Variants in TMEM232 observed in about 807,000 individuals in gnomAD.
The protein encoded by TMEM232 is transmembrane protein 232.
TMEM232 carries 80 observed loss-of-function variants against 78.8 expected under a neutral mutation model. That is an observed-to-expected ratio of 1.01 (90% CI 0.85 to 1.22). The LOEUF is 1.22. Among genes scored for constraint, TMEM232 ranks in the 50% most tolerant of loss-of-function variants. The pLI is 0.00. For synonymous variants in TMEM232, 297 were observed against 254.3 expected (o/e 1.17, Z -1.60); for missense variants, 881 against 742.2 (o/e 1.19, Z -2.17).
At chr5:110,648,995 T>C (rs4351199) in intron 2 of TMEM232, among the ~76,000 whole-genome samples, 94,396 of 151,924 alleles carry the variant, frequency 0.62, 33,069 homozygotes, top group Non-Finnish European at 0.79. Flanking sequence ...CTGTTCCCTG[T>C]GCTGTATCCT....
At chr5:110,418,481 A>T (rs1335985542), downstream of TMEM232, among the ~76,000 whole-genome samples, 1 of 152,122 alleles carries the variant, frequency 6.6e-6, no homozygotes, top group African/African-American at 2.4e-5. Context: ...AAGAATTTTA[A>T]AATAATTTAA....
chr5:110,703,086 T>C (rs1795589533), intron 1 of TMEM232, among the ~76,000 whole-genome samples: 1 of 151,970 alleles, frequency 6.6e-6, no homozygotes, highest in Non-Finnish European at 1.5e-5. Context: ...AGGAAATCAT[T>C]TTGCTGATGA....
intron 12 of TMEM232, among the ~76,000 whole-genome samples, chr5:110,467,840 T>TC (rs774997182): frequency 3.7e-4 from 57 of 152,310 alleles, no homozygotes; most frequent in Non-Finnish European, 6.6e-4. Flanking sequence ...GAGAAACACA[T>TC]CCCAAGGTTC....
At chr5:110,719,684 A>G (rs555740770) in intron 1 of TMEM232, among the ~76,000 whole-genome samples, 1 of 152,102 alleles carries the variant, frequency 6.6e-6, no homozygotes, top group South Asian at 2.1e-4. Flanking sequence ...AGTAAATTAT[A>G]TTTGTTCCAC....
intron 10 of TMEM232, 23 bp from the exon 11 acceptor site, chr5:110,568,648 T>C (rs1776600840): frequency 3.3e-6 from 5 of 1,517,750 alleles, no homozygotes; most frequent in Non-Finnish European, 4.4e-6. Flanking sequence ...AAAAAGTCTT[T>C]GGGAATTATC....
rs140980555 is a variant in TMEM232, at chr5:110,636,717, T to C, written c.501+1481A>G. 3.6e-3 allele frequency among the ~76,000 whole-genome samples: 551 copies of C among 152,160 alleles called. 3 individuals are homozygous for C. The highest frequency in any genetic ancestry group is 6.3e-3 in the Non-Finnish European group (428 of 67,886). On this transcript the variant is annotated intron_variant, in intron 5 of 13. Coordinates refer to ENST00000455884, the MANE Select transcript of TMEM232 (RefSeq NM_001039763.4). The stretch of plus-strand genomic sequence containing the variant: ...AAACTCTCTATGCCACAGTGAGATG[T>C]AGAATATGTGAAATCATGAATAATC...
At chr5:110,731,612 C>T (rs1798686769), upstream of TMEM232, among the ~76,000 whole-genome samples, 1 of 150,552 alleles carries the variant, frequency 6.6e-6, no homozygotes, top group South Asian at 2.1e-4. Context: ...TCTGAAGCCA[C>T]AGCCCAAGCT....
intron 5 of TMEM232, 43 bp from the exon 6 acceptor site, chr5:110,627,923 A>C (rs1340437419): frequency 7.8e-7 from 1 of 1,281,506 alleles, no homozygotes; most frequent in Non-Finnish European, 1.1e-6. Flanking sequence ...TGTTGCATCA[A>C]TAAATGTTTA....
rs74862809 is a variant in TMEM232, at chr5:110,409,308, A to G, written n.309-11454T>C. On this transcript the variant is annotated intron_variant and non_coding_transcript_variant, in intron 2 of 8. Transcript: ENST00000507188. ...ACATTTTAAATAGCAATTCAACACA[A>G]CTTATATGGAGCCAACAATGCACAC... Among the ~76,000 whole-genome samples the G allele has an allele frequency of 9.4e-3, 1,430 of 152,294 alleles. 21 individuals are homozygous for G. The highest frequency in any genetic ancestry group is 0.033 in the African/African-American group (1,357 of 41,556).
At chr5:110,714,116 T>C (rs191833863) in intron 1 of TMEM232, among the ~76,000 whole-genome samples, 50 of 152,316 alleles carry the variant, frequency 3.3e-4, no homozygotes, top group Non-Finnish European at 6.0e-4. Flanking sequence ...GGTCTCCTTT[T>C]ACTTTTGAGC....
Position 110,398,091 on chromosome 5 carries a change from A to G in TMEM232, n.309-237T>C, listed in dbSNP as rs111692808. Among the ~76,000 whole-genome samples, 305 of 152,224 alleles carry G rather than the reference A, an allele frequency of 2.0e-3. 1 individual carries two copies. Among genetic ancestry groups the G allele is most frequent in the Non-Finnish European group, 2.2e-3 (151 of 67,998 alleles). ...AACTCAGTTTTCAAATTACCCTATT[A>G]CCAACCTTTAGTCAATATCATCATC... On this transcript the variant is annotated intron_variant and non_coding_transcript_variant, in intron 2 of 8. Transcript: ENST00000507188.
intron 13 of TMEM232, among the ~76,000 whole-genome samples, chr5:110,422,571 T>G (rs918192307): frequency 7.1e-6 from 1 of 140,192 alleles, no homozygotes; most frequent in Non-Finnish European, 1.6e-5. Context: ...AAAAGAGAAT[T>G]AATTCTTAAG....
chr5:110,443,729 C>T (rs1759316863), intron 12 of TMEM232, among the ~76,000 whole-genome samples: 1 of 152,210 alleles, frequency 6.6e-6, no homozygotes, highest in Admixed American at 6.5e-5. Context: ...TCAGAGCCAA[C>T]AGCCTACGGC....
intron 12 of TMEM232, among the ~76,000 whole-genome samples, chr5:110,522,799 C>T (rs901455818): frequency 3.3e-5 from 5 of 152,152 alleles, no homozygotes; most frequent in South Asian, 2.1e-4. Context: ...TTTTAAGATG[C>T]TTCTGGATTC....
intron 2 of TMEM232, among the ~76,000 whole-genome samples, chr5:110,647,582 T>A (rs1041147046): frequency 6.6e-6 from 1 of 151,972 alleles, no homozygotes; most frequent in Non-Finnish European, 1.5e-5. Flanking sequence ...TAAATAAATA[T>A]CACTTAAAGA....
At chr5:110,587,691 A>ATATATATATATATG (rs1209205049) in intron 10 of TMEM232, among the ~76,000 whole-genome samples, 4 of 63,120 alleles carry the variant, frequency 6.3e-5, no homozygotes, top group African/African-American at 2.9e-4. Flanking sequence ...ATATATATAT[A>ATATATATATATATG]TGTGTGTGTG....
At chr5:110,448,231 T>G (rs1759878432) in intron 12 of TMEM232, among the ~76,000 whole-genome samples, 1 of 152,060 alleles carries the variant, frequency 6.6e-6, no homozygotes, top group Admixed American at 6.6e-5. Context: ...CCAAGAAATT[T>G]TAGATTTTCA....
At chr5:110,736,720 T>C (rs949770136) in intron 1 of TMEM232, among the ~76,000 whole-genome samples, 7 of 152,164 alleles carry the variant, frequency 4.6e-5, no homozygotes, top group African/African-American at 1.7e-4. Context: ...GGTGGATTCC[T>C]ATAAAACATC....
At chr5:110,697,691 A>T (rs1210377029) in intron 1 of TMEM232, among the ~76,000 whole-genome samples, 1 of 152,158 alleles carries the variant, frequency 6.6e-6, no homozygotes, top group African/African-American at 2.4e-5. Context: ...ACAGACACAT[A>T]AAAAAATGCT....
Sources: gnomAD v4.1 joint callset for allele counts (sites outside exome capture counted in the v4.1 genomes callset) on GRCh38, gnomAD v4.1.1 for gene constraint, MANE v1.5 for transcripts, NCBI Gene and HGNC (gene_info 2026-07-23, HGNC 2026-07-21) for gene names.